Variants in SGCZ observed in about 807,000 individuals in gnomAD.
SGCZ encodes sarcoglycan zeta.
In SGCZ, 40 loss-of-function variants were observed where a neutral mutation model predicts 41.3. That is an observed-to-expected ratio of 0.97 (90% confidence interval 0.75 to 1.26). The LOEUF is 1.26. SGCZ is among the 50% of genes most tolerant of loss of function. The pLI is 0.00. For missense variants in SGCZ, 552 were observed against 369.8 expected, an observed-to-expected ratio of 1.49 and a Z score of -4.04; for synonymous variants, 206 against 137.5, an observed-to-expected ratio of 1.50 and a Z score of -3.49.
chr8:15,128,217 C>T (rs1024763590), intron 1 of SGCZ, among the ~76,000 whole-genome samples: 1 of 152,142 alleles, frequency 6.6e-6, no homozygotes, highest in Non-Finnish European at 1.5e-5. Context: ...ATTTTCAGTG[C>T]TCTCCCACAT....
intron 2 of SGCZ, among the ~76,000 whole-genome samples, chr8:14,368,730 G>A (rs757008865): frequency 5.3e-5 from 8 of 151,996 alleles, no homozygotes; most frequent in Admixed American, 1.3e-4. Context: ...ATCCTGGTTT[G>A]TTTCTGTCTT....
intron 1 of SGCZ, among the ~76,000 whole-genome samples, chr8:14,905,310 G>A (rs1286947276): frequency 6.6e-6 from 1 of 151,916 alleles, no homozygotes; most frequent in African/African-American, 2.4e-5. Context: ...TAAAAAGACA[G>A]TAATGGTAAA....
chr8:14,923,595 C>T (rs1286392139), intron 1 of SGCZ, among the ~76,000 whole-genome samples: 1 of 152,106 alleles, frequency 6.6e-6, no homozygotes, highest in Non-Finnish European at 1.5e-5. Flanking sequence ...GATTTCTTCT[C>T]TACTTCACTG....
At chr8:14,168,314 G>T (rs1162089343) in intron 4 of SGCZ, among the ~76,000 whole-genome samples, 1 of 151,802 alleles carries the variant, frequency 6.6e-6, no homozygotes, top group Non-Finnish European at 1.5e-5. Flanking sequence ...AAAATAAGCT[G>T]CTTTCATGAA....
At chr8:14,418,052 T>C (rs11781105) in intron 2 of SGCZ, among the ~76,000 whole-genome samples, 86,086 of 151,596 alleles carry the variant, frequency 0.57, 25,301 homozygotes, top group South Asian at 0.75. Flanking sequence ...GCTATGTCTG[T>C]CATGCTAGGC....
intron 1 of SGCZ, among the ~76,000 whole-genome samples, chr8:15,002,893 A>G (rs569138734): frequency 5.1e-4 from 78 of 152,042 alleles, no homozygotes; most frequent in Non-Finnish European, 9.4e-4. Flanking sequence ...GGGGGAGGTA[A>G]TGGAATCATG....
At chr8:14,253,140 T>G (rs183000512) in intron 3 of SGCZ, among the ~76,000 whole-genome samples, 1 of 152,006 alleles carries the variant, frequency 6.6e-6, no homozygotes, top group Non-Finnish European at 1.5e-5. Context: ...TCATTAAGAA[T>G]AAAACAGTAG....
At chr8:14,815,712 C>A (rs1378163144) in intron 1 of SGCZ, among the ~76,000 whole-genome samples, 1 of 152,104 alleles carries the variant, frequency 6.6e-6, no homozygotes, top group Non-Finnish European at 1.5e-5. Flanking sequence ...GGAGTCTAAC[C>A]AGACCCAGGA....
intron 3 of SGCZ, among the ~76,000 whole-genome samples, chr8:14,274,479 A>T (rs17229371): frequency 0.26 from 38,966 of 152,160 alleles, 6,397 homozygotes; most frequent in Non-Finnish European, 0.37. Context: ...TGATTTCAGA[A>T]CACAAGTTTA....
At chr8:15,196,553 G>A (rs527264694) in intron 1 of SGCZ, among the ~76,000 whole-genome samples, 77 of 130,638 alleles carry the variant, frequency 5.9e-4, no homozygotes, top group Admixed American at 1.2e-3. Context: ...GTTAAGACTT[G>A]CCAAAGTTTT....
At chr8:14,823,251 AC>A (rs1189132106) in intron 1 of SGCZ, among the ~76,000 whole-genome samples, 1 of 152,022 alleles carries the variant, frequency 6.6e-6, no homozygotes, top group Non-Finnish European at 1.5e-5. Flanking sequence ...AAACAAAAAA[AC>A]GTTTTGCACA....
chr8:14,254,465 G>T (rs1799393958), intron 3 of SGCZ, among the ~76,000 whole-genome samples: 1 of 152,194 alleles, frequency 6.6e-6, no homozygotes, highest in Non-Finnish European at 1.5e-5. Context: ...TAGGGATATA[G>T]TCAGATGTTA....
intron 1 of SGCZ, among the ~76,000 whole-genome samples, chr8:15,022,093 G>C (rs555695784): frequency 1.3e-5 from 2 of 152,156 alleles, no homozygotes; most frequent in African/African-American, 4.8e-5. Context: ...GCACAAAACC[G>C]TTAAGGTGAC....
At chr8:14,223,412 C>T (rs557614459) in intron 4 of SGCZ, among the ~76,000 whole-genome samples, 24 of 152,126 alleles carry the variant, frequency 1.6e-4, no homozygotes, top group African/African-American at 5.5e-4. Context: ...AAGACATATA[C>T]TATAGAGTTC....
intron 2 of SGCZ, among the ~76,000 whole-genome samples, chr8:14,416,974 T>C (rs1799509873): frequency 6.6e-6 from 1 of 151,862 alleles, no homozygotes; most frequent in African/African-American, 2.4e-5. Flanking sequence ...AAGGCAGGGT[T>C]ATGTGAGAAG....
chr8:14,192,254 T>G (rs1385690043), intron 4 of SGCZ, among the ~76,000 whole-genome samples: 2 of 152,006 alleles, frequency 1.3e-5, no homozygotes, highest in Non-Finnish European at 2.9e-5. Context: ...TTTTTGCATT[T>G]GAAATAAAGA....
chr8:14,959,459 C>T (rs375684956), intron 1 of SGCZ, among the ~76,000 whole-genome samples: 10 of 152,078 alleles, frequency 6.6e-5, no homozygotes, highest in African/African-American at 2.4e-4. Context: ...TACAATGTTG[C>T]TTATAGTATA....
At chr8:14,262,954 C>G (rs1799725590) in intron 3 of SGCZ, among the ~76,000 whole-genome samples, 1 of 152,088 alleles carries the variant, frequency 6.6e-6, no homozygotes, top group Admixed American at 6.5e-5. Flanking sequence ...CCCTTATTAC[C>G]TTGATTTACG....
intron 4 of SGCZ, among the ~76,000 whole-genome samples, chr8:14,197,885 C>A (rs7821247): frequency 0.74 from 112,301 of 151,884 alleles, 42,283 homozygotes; most frequent in African/African-American, 0.86. Context: ...CTCAGATGAC[C>A]TGATTCTCTA....
Sources: allele counts gnomAD v4.1 joint callset (sites outside exome capture counted in the v4.1 genomes callset), GRCh38; gene constraint gnomAD v4.1.1; transcripts MANE v1.5; gene names NCBI Gene and HGNC (gene_info 2026-07-23, HGNC 2026-07-21).